Variants in NBAS observed in about 807,000 individuals in gnomAD.
NBAS encodes the protein NAG/BC035112 fusion.
A neutral mutation model predicts 302.5 loss-of-function variants in NBAS; 219 were observed. The ratio of observed to expected loss-of-function variants is 0.72; its 90% confidence interval spans 0.65 to 0.81. NBAS has a LOEUF of 0.81. Among genes scored for constraint, NBAS ranks in the 30% least tolerant of loss-of-function variants. The pLI, the probability that NBAS is intolerant of heterozygous loss-of-function variation, is 0.00. For missense variants in NBAS, 2,932 were observed against 2,841.6 expected, an observed-to-expected ratio of 1.03 and a Z score of -0.72; for synonymous variants, 1,118 against 1,021.6, an observed-to-expected ratio of 1.09 and a Z score of -1.80.
chr2:15,086,650 G>T, the NBAS span, among the ~76,000 whole-genome samples: 1 of 152,118 alleles, frequency 6.6e-6, no homozygotes, highest in Non-Finnish European at 1.5e-5. Flanking sequence ...ATTCCCCAGT[G>T]CCAGCTGAGG....
the NBAS span, among the ~76,000 whole-genome samples, chr2:14,928,667 T>G: frequency 1.3e-5 from 2 of 152,274 alleles, no homozygotes; most frequent in Admixed American, 6.5e-5. Flanking sequence ...GTTTTGTTTT[T>G]TTTTTTAAGA....
intron 33 of NBAS, 114 bp from the exon 34 acceptor site, chr2:15,353,824 G>T: frequency 8.3e-7 from 1 of 1,206,148 alleles, no homozygotes; most frequent in Non-Finnish European, 1.2e-6. Flanking sequence ...CAAAATCATA[G>T]TCATTAGTGA....
chr2:15,515,102 G>A (rs183324408), intron 9 of NBAS, among the ~76,000 whole-genome samples: 1 of 152,308 alleles, frequency 6.6e-6, no homozygotes, highest in East Asian at 1.9e-4. Context: ...TATGTTTAAA[G>A]GGGAAGAAAT....
chr2:15,230,420 CTG>C (rs1667334999), intron 47 of NBAS, among the ~76,000 whole-genome samples: 1 of 121,542 alleles, frequency 8.2e-6, no homozygotes, highest in African/African-American at 3.1e-5. Flanking sequence ...AAAAAGTTCT[CTG>C]AAGTTTCTTT....
intron 38 of NBAS, 115 bp downstream of exon 38, chr2:15,327,635 A>T (rs1672132137): frequency 8.1e-7 from 1 of 1,234,470 alleles, no homozygotes. Flanking sequence ...CAAGTTATGC[A>T]ATTCAAAATT....
intron 7 of NBAS, among the ~76,000 whole-genome samples, chr2:15,537,384 T>C (rs904350764): frequency 2.6e-5 from 4 of 152,218 alleles, no homozygotes; most frequent in Admixed American, 2.6e-4. Context: ...ATTTGTCCCA[T>C]GCATTTCTTA....
chr2:14,845,554 A>G, the NBAS span, among the ~76,000 whole-genome samples: 1 of 152,248 alleles, frequency 6.6e-6, no homozygotes, highest in East Asian at 1.9e-4. Context: ...CACCAAATGA[A>G]CTAAATAAGA....
chr2:14,887,399 C>CAAAAAAAAAAAAAAAAAAAAAAAA, the NBAS span, among the ~76,000 whole-genome samples: 44 of 84,602 alleles, frequency 5.2e-4, 2 homozygotes, highest in African/African-American at 1.8e-3. Context: ...TGAGACTCCT[C>CAAAAAAAAAAAAAAAAAAAAAAAA]AAAAAAAAAA....
chr2:15,554,022 A>G, intron 4 of NBAS, 39 bp downstream of exon 4: 1 of 1,519,420 alleles, frequency 6.6e-7, no homozygotes. Context: ...TGTAAAAGCT[A>G]ATCCAGACAG....
chr2:15,293,911 T>C (rs1670432251), intron 40 of NBAS, among the ~76,000 whole-genome samples: 1 of 102,092 alleles, frequency 9.8e-6, no homozygotes, highest in African/African-American at 5.3e-5. Flanking sequence ...TTACTATATT[T>C]ATTTTTTTCC....
At chr2:14,993,883 C>T in the NBAS span, among the ~76,000 whole-genome samples, 1 of 152,132 alleles carries the variant, frequency 6.6e-6, no homozygotes, top group African/African-American at 2.4e-5. Flanking sequence ...TGAACACCAA[C>T]ACAGTTCCAT....
chr2:14,812,630 A>G, the NBAS span, among the ~76,000 whole-genome samples: 1 of 152,214 alleles, frequency 6.6e-6, no homozygotes, highest in Non-Finnish European at 1.5e-5. Context: ...AGAAAAGAAG[A>G]AATGGAAAGA....
chr2:14,987,158 T>G, the NBAS span, among the ~76,000 whole-genome samples: 1 of 152,086 alleles, frequency 6.6e-6, no homozygotes, highest in Non-Finnish European at 1.5e-5. Context: ...ATAGAGCACA[T>G]GTACTTTAAA....
chr2:14,935,561 T>C, the NBAS span, among the ~76,000 whole-genome samples: 1 of 151,790 alleles, frequency 6.6e-6, no homozygotes, highest in Admixed American at 6.5e-5. Flanking sequence ...CAGGTTAATA[T>C]GGACTCATTA....
chr2:15,454,694 T>C (rs887919037), intron 21 of NBAS, among the ~76,000 whole-genome samples: 9 of 152,138 alleles, frequency 5.9e-5, no homozygotes, highest in Non-Finnish European at 1.2e-4. Flanking sequence ...ACCAAGTGTG[T>C]GAGAAGCAAC....
At chr2:15,318,690 G>T (rs1268773772) in intron 38 of NBAS, among the ~76,000 whole-genome samples, 3 of 152,152 alleles carry the variant, frequency 2.0e-5, no homozygotes, top group African/African-American at 4.8e-5. Context: ...AATTCAATAA[G>T]AAGAGCTAAC....
At chr2:14,993,099 A>G in the NBAS span, among the ~76,000 whole-genome samples, 1 of 152,128 alleles carries the variant, frequency 6.6e-6, no homozygotes, top group Admixed American at 6.5e-5. Flanking sequence ...GGGAGTGACC[A>G]TTTATTGAGC....
chr2:15,055,812 T>G, the NBAS span, among the ~76,000 whole-genome samples: 2 of 152,232 alleles, frequency 1.3e-5, no homozygotes, highest in Non-Finnish European at 2.9e-5. Flanking sequence ...TAGACTGGAC[T>G]TCTTTGTGTT....
At chr2:15,370,234 T>G (rs778229958) in intron 31 of NBAS, among the ~76,000 whole-genome samples, 5 of 152,206 alleles carry the variant, frequency 3.3e-5, no homozygotes, top group Non-Finnish European at 7.3e-5. Context: ...GGCAAGTTAC[T>G]TAACCTCCCT....
Sources: gnomAD v4.1 joint callset for allele counts (sites outside exome capture counted in the v4.1 genomes callset) on GRCh38, gnomAD v4.1.1 for gene constraint, MANE v1.5 for transcripts, NCBI Gene and HGNC (gene_info 2026-07-23, HGNC 2026-07-21) for gene names.